The following TOX variants were observed in gnomAD, a reference collection of about 807,000 sequenced individuals.
TOX encodes thymocyte selection-associated high mobility group box protein TOX.
A neutral mutation model predicts 53.7 loss-of-function variants in TOX; 11 were observed. That is an observed-to-expected ratio of 0.20 (90% CI 0.13 to 0.34). TOX has a LOEUF of 0.34. TOX is among the 10% of genes least tolerant of loss of function. TOX has a pLI of 1.00. For synonymous variants in TOX, 225 were observed against 245.3 expected, an observed-to-expected ratio of 0.92 and a Z score of 0.77; for missense variants, 570 against 664.6, an observed-to-expected ratio of 0.86 and a Z score of 1.56.
intron 1 of TOX, among the ~76,000 whole-genome samples, chr8:59,040,047 CG>C (rs1563426727): frequency 6.6e-6 from 1 of 152,120 alleles, no homozygotes; most frequent in African/African-American, 2.4e-5. Flanking sequence ...TAAGAAGCAT[CG>C]GCCGGGCGCG....
chr8:58,845,122 T>C (rs1810701344), intron 4 of TOX, among the ~76,000 whole-genome samples: 1 of 152,134 alleles, frequency 6.6e-6, no homozygotes, highest in Non-Finnish European at 1.5e-5. Context: ...GAAATGTCCC[T>C]GGAGAAGTTA....
At chr8:58,935,903 T>C (rs1051062974) in intron 3 of TOX, among the ~76,000 whole-genome samples, 2 of 152,242 alleles carry the variant, frequency 1.3e-5, no homozygotes, top group Admixed American at 1.3e-4. Flanking sequence ...GTTGTTCATC[T>C]TTAGATCCAT....
chr8:58,867,450 G>A (rs571941151), intron 3 of TOX, among the ~76,000 whole-genome samples: 17 of 152,280 alleles, frequency 1.1e-4, no homozygotes, highest in South Asian at 1.0e-3. Context: ...GATGAATAAG[G>A]CTCTACGTTT....
intron 1 of TOX, among the ~76,000 whole-genome samples, chr8:59,029,444 T>C (rs1044343309): frequency 1.3e-5 from 2 of 152,158 alleles, no homozygotes; most frequent in Non-Finnish European, 2.9e-5. Context: ...CATGCTCCTG[T>C]GCAGTGAAAA....
chr8:58,934,821 C>T (rs924214943), intron 3 of TOX, among the ~76,000 whole-genome samples: 1 of 152,154 alleles, frequency 6.6e-6, no homozygotes, highest in Non-Finnish European at 1.5e-5. Flanking sequence ...TTCCTATGTG[C>T]CAGCTACTGG....
chr8:59,052,347 G>C (rs1473484491), intron 1 of TOX, among the ~76,000 whole-genome samples: 1 of 152,152 alleles, frequency 6.6e-6, no homozygotes, highest in African/African-American at 2.4e-5. Context: ...CATGCAGTGA[G>C]ATTCTAGACT....
chr8:58,995,650 C>T (rs1364149509), intron 1 of TOX, among the ~76,000 whole-genome samples: 1 of 152,142 alleles, frequency 6.6e-6, no homozygotes. Context: ...AAGTGATTAC[C>T]TCCAAAATGG....
At chr8:58,871,415 A>G (rs1811195130) in intron 3 of TOX, among the ~76,000 whole-genome samples, 1 of 152,138 alleles carries the variant, frequency 6.6e-6, no homozygotes, top group African/African-American at 2.4e-5. Context: ...TTAAAAAGCT[A>G]TTTAGGACAT....
chr8:58,948,846 GA>G (rs34572158), intron 2 of TOX, among the ~76,000 whole-genome samples: 15,178 of 150,574 alleles, frequency 0.1, 966 homozygotes, highest in South Asian at 0.2. Flanking sequence ...ATATACATAG[GA>G]AAAAAAAATC....
At chr8:59,099,023 C>T (rs1376008623) in intron 1 of TOX, among the ~76,000 whole-genome samples, 1 of 152,166 alleles carries the variant, frequency 6.6e-6, no homozygotes, top group Non-Finnish European at 1.5e-5. Flanking sequence ...TGGAAACCTA[C>T]CTTGCTGTAC....
At chr8:58,867,802 C>T (rs1563374458) in intron 3 of TOX, among the ~76,000 whole-genome samples, 1 of 152,160 alleles carries the variant, frequency 6.6e-6, no homozygotes. Flanking sequence ...ATTCTGAGGG[C>T]TGGCTTTTTT....
chr8:58,827,466 A>G (rs560272212), intron 5 of TOX, among the ~76,000 whole-genome samples: 1 of 152,312 alleles, frequency 6.6e-6, no homozygotes, highest in South Asian at 2.1e-4. Context: ...GATGGTGATT[A>G]AGGACACGTT....
At chr8:58,819,377 C>T (rs1161762446) in intron 6 of TOX, among the ~76,000 whole-genome samples, 2 of 152,222 alleles carry the variant, frequency 1.3e-5, no homozygotes, top group African/African-American at 4.8e-5. Flanking sequence ...TTGTAGACAA[C>T]TGAAAATCAA....
At chr8:58,819,913 C>T (rs548241729) in intron 6 of TOX, among the ~76,000 whole-genome samples, 2 of 152,308 alleles carry the variant, frequency 1.3e-5, no homozygotes, top group East Asian at 3.9e-4. Context: ...AAAATTTATG[C>T]ACCTACTCAA....
chr8:59,097,141 C>T (rs1804726920), intron 1 of TOX, among the ~76,000 whole-genome samples: 1 of 152,168 alleles, frequency 6.6e-6, no homozygotes, highest in Non-Finnish European at 1.5e-5. Context: ...GGTCAGATAT[C>T]CCTGAAGTGA....
chr8:58,906,868 C>T (rs1308787260), intron 3 of TOX, among the ~76,000 whole-genome samples: 2 of 152,104 alleles, frequency 1.3e-5, no homozygotes, highest in Admixed American at 6.5e-5. Context: ...TGCTTATGTC[C>T]CTCTCTCTCC....
intron 1 of TOX, among the ~76,000 whole-genome samples, chr8:59,076,352 A>T (rs1804292665): frequency 2.0e-5 from 3 of 152,220 alleles, no homozygotes; most frequent in Admixed American, 1.3e-4. Flanking sequence ...TGGAAAAACC[A>T]AATGAGGAGA....
intron 3 of TOX, 79 bp downstream of exon 3, chr8:58,939,223 C>T (rs1812393543): frequency 3.2e-6 from 5 of 1,547,644 alleles, no homozygotes; most frequent in Middle Eastern, 1.8e-4. Flanking sequence ...TATCACAATG[C>T]CAGGCCCTCG....
intron 3 of TOX, among the ~76,000 whole-genome samples, chr8:58,876,844 C>T (rs1811294215): frequency 6.6e-6 from 1 of 152,158 alleles, no homozygotes; most frequent in Non-Finnish European, 1.5e-5. Flanking sequence ...TTTTGCCTAG[C>T]CAGTTTCATT....
Sources: gnomAD v4.1 joint callset for allele counts (sites outside exome capture counted in the v4.1 genomes callset) on GRCh38, gnomAD v4.1.1 for gene constraint, MANE v1.5 for transcripts, NCBI Gene and HGNC (gene_info 2026-07-23, HGNC 2026-07-21) for gene names.